Variants in DHRSX observed in about 807,000 individuals in gnomAD.
DHRSX encodes the protein polyprenol dehydrogenase.
A neutral mutation model predicts 34.0 loss-of-function variants in DHRSX; 31 were observed. The ratio of observed to expected loss-of-function variants is 0.91; its 90% CI spans 0.69 to 1.23. The LOEUF is 1.23. Ranked by LOEUF, DHRSX falls within the 50% of genes most tolerant of loss-of-function variation. The pLI is 0.00. For synonymous variants in DHRSX, 201 were observed against 183.8 expected, an observed-to-expected ratio of 1.09 and a Z score of -0.76; for missense variants, 414 against 428.1, an observed-to-expected ratio of 0.97 and a Z score of 0.29.
intron 1 of DHRSX, among the ~76,000 whole-genome samples, chrX:2,434,461 G>A (rs138862485): frequency 0.014 from 2,189 of 152,248 alleles, 48 homozygotes; most frequent in African/African-American, 0.049. Flanking sequence ...CGGAGGCTAG[G>A]AGCACGAGGC....
chrX:2,333,035 A>C (rs2042500788), intron 3 of DHRSX, among the ~76,000 whole-genome samples: 1 of 151,996 alleles, frequency 6.6e-6, no homozygotes, highest in South Asian at 2.1e-4. Context: ...GCCTTTGCCT[A>C]CTCATTTCTT....
chrX:2,455,112 C>CAAAA (rs35335750), intron 1 of DHRSX, among the ~76,000 whole-genome samples: 1 of 139,320 alleles, frequency 7.2e-6, no homozygotes, highest in African/African-American at 2.6e-5. Context: ...AACCCCATCT[C>CAAAA]AAAAAAAAAA....
chrX:2,312,649 T>C (rs934843419), intron 3 of DHRSX, among the ~76,000 whole-genome samples: 6 of 152,036 alleles, frequency 3.9e-5, no homozygotes, highest in Non-Finnish European at 8.8e-5. Flanking sequence ...CAAACTACCA[T>C]GGCACGTGTA....
At chrX:2,339,251 T>G (rs2042610331) in intron 3 of DHRSX, among the ~76,000 whole-genome samples, 3 of 151,900 alleles carry the variant, frequency 2.0e-5, no homozygotes, top group Non-Finnish European at 4.4e-5. Flanking sequence ...TTCTCCTACC[T>G]CAGCCTCCCA....
At chrX:2,468,320 G>A (rs185916642) in intron 1 of DHRSX, among the ~76,000 whole-genome samples, 13,547 of 152,060 alleles carry the variant, frequency 0.089, 731 homozygotes, top group East Asian at 0.2. Flanking sequence ...ATGCGGTCAG[G>A]ACGCTGGCTG....
chrX:2,335,543 C>T (rs994759469), intron 3 of DHRSX, among the ~76,000 whole-genome samples: 37 of 151,886 alleles, frequency 2.4e-4, no homozygotes, highest in African/African-American at 8.7e-4. Flanking sequence ...CTCAGCCTCC[C>T]AGGTTCAAGC....
chrX:2,224,772 ACTCATTCACATGCACACATG>A (rs1453246771), intron 6 of DHRSX, among the ~76,000 whole-genome samples: 2 of 151,928 alleles, frequency 1.3e-5, no homozygotes, highest in African/African-American at 4.8e-5. Flanking sequence ...GCATACTCAC[ACTCATTCACATGCACACATG>A]CTCATTTACA....
chrX:2,333,539 C>T (rs1359063411), intron 3 of DHRSX, among the ~76,000 whole-genome samples: 15 of 152,118 alleles, frequency 9.9e-5, no homozygotes, highest in African/African-American at 3.6e-4. Flanking sequence ...CTCAGCCTCC[C>T]GAGTAGCTGG....
intron 1 of DHRSX, among the ~76,000 whole-genome samples, chrX:2,476,824 A>G (rs1223889550): frequency 1.3e-5 from 2 of 152,018 alleles, no homozygotes; most frequent in Non-Finnish European, 2.9e-5. Flanking sequence ...GCCAACATGG[A>G]AAAACCCGTC....
chrX:2,385,922 T>C (rs1427309165), intron 3 of DHRSX, among the ~76,000 whole-genome samples: 1 of 152,068 alleles, frequency 6.6e-6, no homozygotes, highest in Non-Finnish European at 1.5e-5. Context: ...AATGGCCAAA[T>C]ACTACACACC....
chrX:2,238,829 C>T (rs1318191663), intron 6 of DHRSX, among the ~76,000 whole-genome samples: 6 of 151,858 alleles, frequency 4.0e-5, no homozygotes, highest in African/African-American at 7.3e-5. Flanking sequence ...AAGTAATCCA[C>T]TCACCTTGGC....
chrX:2,460,487 A>G (rs1400320711), intron 1 of DHRSX, among the ~76,000 whole-genome samples: 1 of 151,862 alleles, frequency 6.6e-6, no homozygotes, highest in African/African-American at 2.4e-5. Flanking sequence ...GCATGATCGT[A>G]GCTTATGGCA....
chrX:2,362,634 G>A (rs2042946858), intron 3 of DHRSX, among the ~76,000 whole-genome samples: 1 of 152,180 alleles, frequency 6.6e-6, no homozygotes, highest in East Asian at 1.9e-4. Context: ...CATAGGTGGA[G>A]GAGTTGAACA....
intron 3 of DHRSX, among the ~76,000 whole-genome samples, chrX:2,348,642 T>C (rs1459916168): frequency 6.6e-6 from 1 of 151,960 alleles, no homozygotes; most frequent in Non-Finnish European, 1.5e-5. Context: ...TATTATTTTC[T>C]TGTTTTGCAA....
At position 2,408,867 on chromosome X, in the gene DHRSX, T is replaced by C. The variant is rs370890718; in HGVS notation, c.218-54A>G. The C allele has an allele frequency of 1.7e-4, 242 of 1,402,394 alleles. 1 individual carries two copies. In the African/African-American group the frequency reaches 2.6e-3, roughly 15 times the overall value. 86.9% of individuals were successfully genotyped at this position (1,402,394 alleles called of 1,614,324 possible). On this transcript the variant is annotated intron_variant, in intron 2 of 6. Coordinates refer to ENST00000334651, the MANE Select transcript of DHRSX (RefSeq NM_145177.3). ...GTGACTTGTAGGATTATCCAGAAAC[T>C]ATTAACTGCAAAAAAAAAAAGAGGT...
intron 1 of DHRSX, among the ~76,000 whole-genome samples, chrX:2,474,098 A>C (rs1198840216): frequency 6.6e-6 from 1 of 152,172 alleles, no homozygotes; most frequent in Non-Finnish European, 1.5e-5. Flanking sequence ...AGAGACACCC[A>C]ATGAAGAAAC....
intron 2 of DHRSX, among the ~76,000 whole-genome samples, chrX:2,414,043 G>A (rs982137936): frequency 2.0e-5 from 3 of 151,370 alleles, no homozygotes; most frequent in African/African-American, 4.9e-5. Flanking sequence ...ACCTCATCAT[G>A]ACCTAATACA....
chrX:2,470,027 A>G (rs1324033369), intron 1 of DHRSX, among the ~76,000 whole-genome samples: 1 of 151,988 alleles, frequency 6.6e-6, no homozygotes, highest in Admixed American at 6.6e-5. Context: ...GAGTACATCA[A>G]GCAAATGTGG....
intron 6 of DHRSX, among the ~76,000 whole-genome samples, chrX:2,234,185 T>A (rs1489092008): frequency 1.3e-5 from 2 of 151,990 alleles, no homozygotes; most frequent in Non-Finnish European, 2.9e-5. Context: ...CACACAGCCC[T>A]GATCCATGCA....
Sources: gnomAD v4.1 joint callset for allele counts (sites outside exome capture counted in the v4.1 genomes callset) on GRCh38, gnomAD v4.1.1 for gene constraint, MANE v1.5 for transcripts, NCBI Gene and HGNC (gene_info 2026-07-23, HGNC 2026-07-21) for gene names.